The following ANKS1B variants were observed in gnomAD, a reference collection of about 807,000 sequenced individuals.
ANKS1B encodes the protein ankyrin repeat and sterile alpha motif domain-containing protein 1B.
ANKS1B carries 36 observed loss-of-function variants against 148.3 expected under a neutral mutation model. The observed-to-expected ratio is 0.24, with a 90% CI of 0.19 to 0.32. The LOEUF is 0.32. ANKS1B is among the 10% of genes least tolerant of loss of function. The pLI is 1.00. For synonymous variants in ANKS1B, 542 were observed against 560.8 expected, an observed-to-expected ratio of 0.97 and a Z score of 0.47; for missense variants, 1,157 against 1,542.6, an observed-to-expected ratio of 0.75 and a Z score of 4.19.
chr12:99,109,989 A>C (rs2059978737), intron 15 of ANKS1B, among the ~76,000 whole-genome samples: 1 of 152,192 alleles, frequency 6.6e-6, no homozygotes, highest in Non-Finnish European at 1.5e-5. Context: ...ACCAGCCAAA[A>C]CTCAAAGAGC....
chr12:99,540,377 C>A (rs571178604), intron 9 of ANKS1B, among the ~76,000 whole-genome samples: 11 of 152,212 alleles, frequency 7.2e-5, no homozygotes, highest in African/African-American at 2.6e-4. Flanking sequence ...CTTAAGTACA[C>A]GTGAAACATC....
intron 17 of ANKS1B, among the ~76,000 whole-genome samples, chr12:98,994,871 T>C (rs371234677): frequency 6.2e-4 from 95 of 152,306 alleles, no homozygotes; most frequent in African/African-American, 2.2e-3. Context: ...AGATCCCATC[T>C]CCAAATACAG....
At chr12:99,839,056 C>G (rs1603267269) in intron 1 of ANKS1B, among the ~76,000 whole-genome samples, 1 of 151,918 alleles carries the variant, frequency 6.6e-6, no homozygotes, top group East Asian at 1.9e-4. Flanking sequence ...CTGTTTTTAT[C>G]ATGGGTTTAT....
intron 8 of ANKS1B, among the ~76,000 whole-genome samples, chr12:99,742,841 A>C (rs1263929913): frequency 1.8e-5 from 1 of 54,886 alleles, no homozygotes; most frequent in African/African-American, 5.7e-5. Context: ...CTGTCTCAAA[A>C]AAAAAAAAAA....
In ANKS1B at chr12:98,745,716, C is replaced by T. The variant is rs772325689; in HGVS notation, c.*23G>A. On this transcript the variant is annotated 3_prime_UTR_variant, in exon 27 of 27. Coordinates refer to ENST00000683438, the MANE Select transcript of ANKS1B (RefSeq NM_001352186.2). The stretch of plus-strand genomic sequence containing the variant: ...GGACCGCTTGGCGAGCAAGGCACCG[C>T]GAGGACAGGAGGACGGCGAGTATCA... The T allele has an allele frequency of 1.2e-6, 2 of 1,611,312 alleles. No homozygotes were observed. Among genetic ancestry groups the T allele is most frequent in the East Asian group, 2.2e-5 (1 of 44,716 alleles).
intron 9 of ANKS1B, among the ~76,000 whole-genome samples, chr12:99,562,646 T>A (rs1469483799): frequency 6.6e-6 from 1 of 152,174 alleles, no homozygotes; most frequent in African/African-American, 2.4e-5. Flanking sequence ...CTTCTTCACA[T>A]GGTGGCAGGA....
chr12:99,825,139 A>T (rs2083026213), intron 2 of ANKS1B, among the ~76,000 whole-genome samples, 170 bp downstream of exon 2: 6 of 152,238 alleles, frequency 3.9e-5, no homozygotes. Flanking sequence ...AATTATACTC[A>T]GCAACATTCC....
intron 15 of ANKS1B, among the ~76,000 whole-genome samples, chr12:99,119,246 T>C (rs1340875065): frequency 6.6e-6 from 1 of 151,870 alleles, no homozygotes; most frequent in Non-Finnish European, 1.5e-5. Context: ...GAGGCAGAAA[T>C]TGGAGTGATG....
chr12:99,980,998 A>G (rs116374629), intron 1 of ANKS1B, among the ~76,000 whole-genome samples: 26 of 152,198 alleles, frequency 1.7e-4, no homozygotes, highest in African/African-American at 6.0e-4. Context: ...CTAGGTGAGA[A>G]GTTGGAAGAA....
chr12:99,820,424 A>C (rs909195651), intron 2 of ANKS1B, among the ~76,000 whole-genome samples: 2 of 151,938 alleles, frequency 1.3e-5, no homozygotes, highest in Non-Finnish European at 2.9e-5. Flanking sequence ...AGAATAAACT[A>C]TATGATCCCG....
In ANKS1B at chr12:99,880,308, A is replaced by C. The variant is rs77144548; in HGVS notation, c.135-54919T>G. On this transcript the variant is annotated intron_variant, in intron 1 of 26. Coordinates refer to ENST00000683438, the MANE Select transcript of ANKS1B (RefSeq NM_001352186.2). ...ATTTTATAAAAGATAAAACTGATAG[A>C]TGAACAGGTTAAATAACTTGCCCAA... is the stretch of plus-strand genomic sequence containing the variant. Among the ~76,000 whole-genome samples the C allele has an allele frequency of 3.6e-3, 546 of 152,302 alleles. 5 individuals carry two copies. The highest frequency in any genetic ancestry group is 0.012 in the African/African-American group (501 of 41,554).
intron 10 of ANKS1B, among the ~76,000 whole-genome samples, chr12:99,456,244 C>T (rs1219018463): frequency 6.6e-6 from 1 of 152,114 alleles, no homozygotes; most frequent in Non-Finnish European, 1.5e-5. Flanking sequence ...CAAGAGAGCA[C>T]CCCATTAGAC....
intron 8 of ANKS1B, among the ~76,000 whole-genome samples, chr12:99,684,368 CAAAAA>C (rs572669891): frequency 3.6e-5 from 3 of 82,546 alleles, no homozygotes; most frequent in Non-Finnish European, 2.7e-5. Flanking sequence ...ACAACAGCTG[CAAAAA>C]AAAAAAAAAA....
At chr12:99,726,335 A>G (rs1156536303) in intron 8 of ANKS1B, among the ~76,000 whole-genome samples, 1 of 152,236 alleles carries the variant, frequency 6.6e-6, no homozygotes, top group African/African-American at 2.4e-5. Flanking sequence ...ACAAACTACC[A>G]TCAGAGAATA....
At chr12:99,749,194 C>T (rs143531250) in intron 8 of ANKS1B, among the ~76,000 whole-genome samples, 12 of 152,194 alleles carry the variant, frequency 7.9e-5, no homozygotes, top group African/African-American at 2.9e-4. Context: ...TAATCCGGGG[C>T]TAATTAATCA....
chr12:99,882,298 A>G (rs1317130680), intron 1 of ANKS1B, among the ~76,000 whole-genome samples: 1 of 152,300 alleles, frequency 6.6e-6, no homozygotes, highest in East Asian at 1.9e-4. Context: ...CCTAATATGT[A>G]TATCATCCCA....
At chr12:98,891,369 T>C (rs2099752241) in intron 17 of ANKS1B, among the ~76,000 whole-genome samples, 1 of 151,956 alleles carries the variant, frequency 6.6e-6, no homozygotes, top group Non-Finnish European at 1.5e-5. Context: ...TCACAATTTT[T>C]TAAAGAAAAA....
intron 8 of ANKS1B, among the ~76,000 whole-genome samples, chr12:99,681,475 C>T (rs1599570529): frequency 6.6e-6 from 1 of 152,196 alleles, no homozygotes; most frequent in Admixed American, 6.5e-5. Context: ...CTGCTGGTAT[C>T]CACAGCTGAG....
intron 1 of ANKS1B, among the ~76,000 whole-genome samples, chr12:99,888,675 G>T (rs769129133): frequency 6.6e-6 from 1 of 152,090 alleles, no homozygotes; most frequent in Non-Finnish European, 1.5e-5. Context: ...ACATAAATGG[G>T]ATTCACTACA....
Sources: gnomAD v4.1 joint callset for allele counts (sites outside exome capture counted in the v4.1 genomes callset) on GRCh38, gnomAD v4.1.1 for gene constraint, MANE v1.5 for transcripts, NCBI Gene and HGNC (gene_info 2026-07-23, HGNC 2026-07-21) for gene names.